CDH5: variants seen among roughly 807,000 people sequenced by gnomAD.
CDH5 encodes the protein cadherin 5, also known as cadherin-5.
In CDH5, 28 loss-of-function variants were observed where a neutral mutation model predicts 62.0. The observed-to-expected ratio is 0.45, with a 90% CI of 0.33 to 0.62. The LOEUF (loss-of-function observed/expected upper bound fraction) is 0.62. Among genes scored for constraint, CDH5 ranks in the 20% least tolerant of loss-of-function variants. The pLI, the probability that CDH5 is intolerant of heterozygous loss-of-function variation, is 0.02. For missense variants in CDH5, 940 were observed against 1,065.1 expected, an observed-to-expected ratio of 0.88 and a Z score of 1.63; for synonymous variants, 464 against 445.8, an observed-to-expected ratio of 1.04 and a Z score of -0.52.
At chr16:66,390,937 G>C (rs191760384) in intron 6 of CDH5, among the ~76,000 whole-genome samples, 198 of 152,292 alleles carry the variant, frequency 1.3e-3, no homozygotes, top group African/African-American at 4.5e-3. Context: ...GGTGTTGACT[G>C]GGGGCTGCCC....
At chr16:66,376,271 G>A (rs1459197786) in intron 1 of CDH5, 1 of 152,148 alleles carries the variant, frequency 6.6e-6, no homozygotes, top group Non-Finnish European at 1.5e-5. Flanking sequence ...TAGGGCAGAG[G>A]AATTTTTAGC....
In CDH5 at chr16:66,401,693, T is replaced by C. The variant is rs191404972; in HGVS notation, c.1837+677T>C. Among the ~76,000 whole-genome samples, 1,184 of 152,282 alleles carry C rather than the reference T, an allele frequency of 7.8e-3. 11 individuals carry two copies. Among genetic ancestry groups the C allele is most frequent in the South Asian group, 0.038 (183 of 4,822 alleles). Reference sequence around the variant, plus strand: ...GGAGGAGGCCAGCGAAGGTGGAATGTTCCCATCGTGAGGAACTGGAGCCTC... The same window carrying C: ...GGAGGAGGCCAGCGAAGGTGGAATGCTCCCATCGTGAGGAACTGGAGCCTC... On this transcript the variant is annotated intron_variant, in intron 11 of 11. Transcript: ENST00000341529.
chr16:66,401,790 GTAC>G (rs1329787321), intron 11 of CDH5, among the ~76,000 whole-genome samples: 4 of 152,208 alleles, frequency 2.6e-5, no homozygotes, highest in African/African-American at 4.8e-5. Flanking sequence ...GCACAGTGAT[GTAC>G]TGTATCCTGC....
Position 66,379,928 on chromosome 16 carries a change from T to A in CDH5, c.210+381T>A, listed in dbSNP as rs62647204. On this transcript the variant is annotated intron_variant, in intron 2 of 11. Coordinates refer to ENST00000341529, the MANE Select transcript of CDH5 (RefSeq NM_001795.5). ...GGTGGTGATGATAAAGGGGTAGGTG[T>A]TGGTGGTGATCACGGTGATGGTGGT... Among the ~76,000 whole-genome samples the A allele has an allele frequency of 1.9e-4, 10 of 53,780 alleles. 1 individual carries two copies. Among genetic ancestry groups the A allele is most frequent in the Admixed American group, 6.2e-4 (3 of 4,870 alleles). The allele number at this position is 53,780 out of a possible 152,430, so 35.3% of individuals were successfully genotyped here.
At chr16:66,383,136 A>G (rs1164899734) in intron 2 of CDH5, among the ~76,000 whole-genome samples, 1 of 152,166 alleles carries the variant, frequency 6.6e-6, no homozygotes, top group Admixed American at 6.5e-5. Context: ...AAACTATCAC[A>G]GCCATGAGGC....
At chr16:66,372,020 G>A (rs552818775) in intron 1 of CDH5, among the ~76,000 whole-genome samples, 115 of 152,270 alleles carry the variant, frequency 7.6e-4, no homozygotes, top group African/African-American at 2.7e-3. Context: ...CCCCTTGGAG[G>A]CAGAACCCCA....
At chr16:66,398,718 C>T (rs545235626) in intron 10 of CDH5, among the ~76,000 whole-genome samples, 157 bp downstream of exon 10, 72 of 152,214 alleles carry the variant, frequency 4.7e-4, no homozygotes, top group Non-Finnish European at 9.4e-4. Context: ...GGCGACAGAG[C>T]GAGACCCCGT....
At position 66,402,947 on chromosome 16, in the gene CDH5, G is replaced by A. The variant is rs1961319528; in HGVS notation, c.2133G>A (p.Val711=). The part of the protein sequence containing the change: ...GPGEMAAMIE[V]KKDEADHDGD... ...GGGAGATGGCAGCCATGATCGAGGT[G>A]AAGAAGGACGAGGCGGACCACGACG... The change falls in exon 12 of 12, where the codon GTG becomes GTA. Residue 711 remains valine, a synonymous_variant. Transcript: ENST00000341529. 1.9e-6 allele frequency: 3 copies of A among 1,612,522 alleles called. No individual in the cohort carries two copies. The highest frequency in any genetic ancestry group is 2.5e-6 in the Non-Finnish European group (3 of 1,179,932).
At chr16:66,401,487 G>A (rs930833884) in intron 11 of CDH5, among the ~76,000 whole-genome samples, 5 of 152,116 alleles carry the variant, frequency 3.3e-5, no homozygotes, top group Admixed American at 6.6e-5. Flanking sequence ...GAATTCCTCC[G>A]GCCTTGATAC....
At chr16:66,386,304 G>A (rs1218627369) in intron 2 of CDH5, among the ~76,000 whole-genome samples, 1 of 151,772 alleles carries the variant, frequency 6.6e-6, no homozygotes, top group African/African-American at 2.4e-5. Flanking sequence ...TTATTTTCAG[G>A]GGTACATGTC....
At chr16:66,373,992 G>A (rs1303340807) in intron 1 of CDH5, among the ~76,000 whole-genome samples, 2 of 152,096 alleles carry the variant, frequency 1.3e-5, no homozygotes, top group Non-Finnish European at 2.9e-5. Flanking sequence ...GATAGAGAGA[G>A]TGGCATGACG....
intron 10 of CDH5, among the ~76,000 whole-genome samples, chr16:66,398,773 G>C (rs570622168): frequency 6.6e-6 from 1 of 152,162 alleles, no homozygotes; most frequent in South Asian, 2.1e-4. Context: ...TAACAGGGTC[G>C]GGGTGAGGTT....
At chr16:66,389,214 G>A (rs1048095126) in intron 4 of CDH5, 144 bp from the exon 5 acceptor site, 19 of 726,534 alleles carry the variant, frequency 2.6e-5, no homozygotes, top group Admixed American at 2.5e-4. Flanking sequence ...GGAGGTAGTG[G>A]GTTGTAGACT....
At chr16:66,369,691 T>C (rs1960649464) in intron 1 of CDH5, among the ~76,000 whole-genome samples, 1 of 152,112 alleles carries the variant, frequency 6.6e-6, no homozygotes. Context: ...GGCAAGGGGA[T>C]AGACTAGATG....
Position 66,398,527 on chromosome 16 carries a change from T to A in CDH5, c.1557T>A (p.Asn519Lys). ...ACGTGAAGTTCAAATTCATCTTGAA[T>A]ACTGAGAACAACTTTACCCTCACGG... is the stretch of plus-strand genomic sequence containing the variant. ...PRNVKFKFIL[N>K]TENNFTLTDN... The change falls in exon 10 of 12, where the codon AAT becomes AAA. Residue 519 changes from asparagine to lysine, a missense_variant. Coordinates refer to ENST00000341529, the MANE Select transcript of CDH5 (RefSeq NM_001795.5). 2 of 1,596,732 alleles carry A rather than the reference T, an allele frequency of 1.3e-6. No homozygotes were observed. The highest frequency in any genetic ancestry group is 1.7e-6 in the Non-Finnish European group (2 of 1,164,034).
chr16:66,388,256 C>G, intron 3 of CDH5, 68 bp from the exon 4 acceptor site: 4 of 966,066 alleles, frequency 4.1e-6, no homozygotes, highest in Admixed American at 1.7e-5. Context: ...CCCATCTGCT[C>G]TGTTCCAGGA....
Position 66,379,481 on chromosome 16 carries a change from T to G in CDH5, c.144T>G (p.Asp48Glu). ...CCACCCACCGGCGCCAAAAGAGAGA[T>G]TGGATTTGGAACCAGATGCACATTG... ...LLPTHRRQKR[D>E]WIWNQMHIDE... The change falls in exon 2 of 12, where the codon GAT (aspartate) becomes GAG (glutamate). Residue 48 changes from aspartate to glutamate, a missense_variant. Asp to Glu is a conservative substitution (Grantham distance 45, BLOSUM62 2). Coordinates refer to ENST00000341529, the MANE Select transcript of CDH5 (RefSeq NM_001795.5). 1.2e-6 allele frequency: 2 copies of G among 1,614,142 alleles called. No homozygotes were observed. Among genetic ancestry groups the G allele is most frequent in the Non-Finnish European group, 1.7e-6 (2 of 1,180,018 alleles).
chr16:66,392,367 G>A lies in CDH5; in HGVS notation c.1201G>A (p.Ala401Thr). The A allele has an allele frequency of 6.2e-7, 1 of 1,614,204 alleles. No homozygotes were observed. ...GTVLAMDPDAARHSIGYSIRR... is the reference protein window; with the variant it reads ...GTVLAMDPDATRHSIGYSIRR... ...AGTGCTGGCCATGGACCCTGATGCG[G>A]CTAGGCATAGCATTGGGTAAGGGGG... Residue 401 changes from alanine to threonine, a missense_variant, in exon 7 of 12, where the codon GCT becomes ACT. Ala to Thr is a moderately conservative substitution (Grantham distance 58). Coordinates refer to ENST00000341529, the MANE Select transcript of CDH5 (RefSeq NM_001795.5).
Position 66,387,046 on chromosome 16 carries a change from G to A in CDH5, c.448G>A (p.Val150Met), listed in dbSNP as rs1415492509. 2 of 1,614,168 alleles carry A rather than the reference G, an allele frequency of 1.2e-6. No homozygotes were observed. Among genetic ancestry groups the A allele is most frequent in the Admixed American group, 1.7e-5 (1 of 60,028 alleles). The change falls in exon 3 of 12, where the codon GTG becomes ATG. Residue 150 changes from valine (V) to methionine (M), a missense_variant. Physicochemically the swap from Val to Met is conservative, Grantham distance 21. Coordinates refer to ENST00000341529, the MANE Select transcript of CDH5 (RefSeq NM_001795.5). ...TCATGACGTGAACGACAACTGGCCTGTGTTCACGCATCGGTTGTTCAATGC... is the reference window on the plus strand; with the variant it reads ...TCATGACGTGAACGACAACTGGCCTATGTTCACGCATCGGTTGTTCAATGC... ...KVHDVNDNWP[V>M]FTHRLFNASV...
Sources: allele counts gnomAD v4.1 joint callset (sites outside exome capture counted in the v4.1 genomes callset), GRCh38; gene constraint gnomAD v4.1.1; transcripts MANE v1.5; gene names NCBI Gene and HGNC (gene_info 2026-07-23, HGNC 2026-07-21).